PLTP: variants seen among roughly 807,000 people sequenced by gnomAD.
The protein encoded by PLTP is phospholipid transfer protein.
Under a neutral mutation model 54.1 loss-of-function variants are expected in PLTP, and 43 were observed. That is an observed-to-expected ratio of 0.79 (90% confidence interval 0.62 to 1.02). PLTP has a LOEUF of 1.02. PLTP is among the 50% of genes least tolerant of loss of function. The pLI, the probability that PLTP is intolerant of heterozygous loss-of-function variation, is 0.00. For missense variants in PLTP, 604 were observed against 645.9 expected (o/e 0.94, Z 0.70); for synonymous variants, 263 against 264.6 (o/e 0.99, Z 0.06).
Position 45,911,395 on chromosome 20 carries a change from G to A in PLTP, c.58C>T (p.Pro20Ser). The part of the protein sequence containing the change: ...ALLAGAHAEF[P>S]GCKIRVTSKA... ...GAGGTGACGCGGATCTTGCAGCCTG[G>A]GAACTCTGCATGTGCGCCTGCCAGC... The change falls in exon 2 of 16, where the codon CCA (proline) becomes TCA (serine). Residue 20 changes from proline (P) to serine (S), a missense_variant. Coordinates refer to ENST00000372431, the MANE Select transcript of PLTP (RefSeq NM_006227.4). The A allele has an allele frequency of 6.2e-7, 1 of 1,610,554 alleles. No homozygotes were observed. The highest frequency in any genetic ancestry group is 8.5e-7 in the Non-Finnish European group (1 of 1,179,996).
chr20:45,904,688 G>C (rs754394276), intron 10 of PLTP, 112 bp downstream of exon 10: 21 of 981,966 alleles, frequency 2.1e-5, no homozygotes, highest in Non-Finnish European at 3.1e-5. Flanking sequence ...ATTGGCCACA[G>C]ACAAGAGGCC....
intron 9 of PLTP, 37 bp from the exon 10 acceptor site, chr20:45,904,896 G>A: frequency 6.2e-7 from 1 of 1,614,094 alleles, no homozygotes; most frequent in Non-Finnish European, 8.5e-7. Context: ...AGTGAGCTCT[G>A]TCACAGACCT....
chr20:45,902,487 G>A lies in PLTP; in HGVS notation c.1060C>T (p.Leu354=), dbSNP rs1340406071. ...ISVTASVTIA[L]VPPDQPEVQL... is the part of the protein sequence containing the mutation. ...ACCTCAGGCTGGTCTGGTGGGACCA[G>A]GGCAATGGTGACGCTAGCAGTGACA... is the stretch of plus-strand genomic sequence containing the variant. The change falls in exon 11 of 16, where the codon CTG becomes TTG. Residue 354 remains leucine (L), a synonymous_variant. Coordinates refer to ENST00000372431, the MANE Select transcript of PLTP (RefSeq NM_006227.4). 19 of 1,614,240 alleles carry A rather than the reference G, an allele frequency of 1.2e-5. No individual in the cohort carries two copies. The highest frequency in any genetic ancestry group is 3.3e-5 in the South Asian group (3 of 91,086).
chr20:45,899,807 G>GACCC, intron 13 of PLTP, 29 bp downstream of exon 13: 3 of 1,369,426 alleles, frequency 2.2e-6, no homozygotes, highest in Admixed American at 2.0e-5. Context: ...CACGAACCCA[G>GACCC]CCCAGCCCAC....
intron 7 of PLTP, among the ~76,000 whole-genome samples, chr20:45,906,794 G>A: frequency 8.2e-6 from 1 of 121,412 alleles, no homozygotes; most frequent in Admixed American, 9.1e-5. Flanking sequence ...AGGAGGCTGA[G>A]GCAGGAGAAT....
Position 45,899,066 on chromosome 20 carries a change from G to A in PLTP, c.1360-3C>T, listed in dbSNP as rs369330245. On this transcript the variant is annotated splice_polypyrimidine_tract_variant and splice_region_variant and intron_variant, in intron 15 of 15. Transcript: ENST00000372431. ...TCAGCCCCGATGGTGAGGAATCCCT[G>A]TGTTGGGGAGAGGGGAGCCTCATTT... 4.3e-5 allele frequency: 69 copies of A among 1,614,198 alleles called. 2 individuals carry two copies. In the African/African-American group the frequency reaches 4.9e-4, roughly 12 times the overall value.
At chr20:45,904,473 A>G (rs1467179942) in intron 10 of PLTP, among the ~76,000 whole-genome samples, 3 of 152,204 alleles carry the variant, frequency 2.0e-5, no homozygotes, top group Non-Finnish European at 4.4e-5. Flanking sequence ...CAAAAAAAAA[A>G]ATAAATAAAA....
intron 1 of PLTP, chr20:45,911,741 G>A (rs564875392): frequency 3.1e-4 from 166 of 529,704 alleles, no homozygotes; most frequent in African/African-American, 2.7e-3. Context: ...GGACCTCCAG[G>A]GGACCAGCCC....
At chr20:45,911,492 A>G (rs764141103) in intron 1 of PLTP, 29 bp from the exon 2 acceptor site, 17 of 1,599,384 alleles carry the variant, frequency 1.1e-5, no homozygotes, top group Non-Finnish European at 1.4e-5. Flanking sequence ...CGCAGGAGTT[A>G]TCTGAGCCGC....
At chr20:45,909,206 G>A (rs1016763372) in intron 5 of PLTP, among the ~76,000 whole-genome samples, 14 of 152,006 alleles carry the variant, frequency 9.2e-5, no homozygotes, top group South Asian at 2.1e-4. Flanking sequence ...CTTGTGATCC[G>A]CCCGCCCAGA....
chr20:45,899,735 C>A, intron 13 of PLTP, 50 bp from the exon 14 acceptor site: 1 of 1,611,076 alleles, frequency 6.2e-7, no homozygotes, highest in East Asian at 2.2e-5. Flanking sequence ...GTTGGGTTTG[C>A]CTTTAGCTGC....
At position 45,899,747 on chromosome 20, in the gene PLTP, C is replaced by T. The variant is rs538015515; in HGVS notation, c.1219-62G>A. On this transcript the variant is annotated intron_variant, in intron 13 of 15. Coordinates refer to ENST00000372431, the MANE Select transcript of PLTP (RefSeq NM_006227.4). ...AGGGTTGGGTTTGCCTTTAGCTGCC[C>T]GCAGGTGAGCAGTTATATGAGGAGG... 5.4e-4 allele frequency: 876 copies of T among 1,608,618 alleles called. 13 individuals carry two copies. In the South Asian group the frequency reaches 8.3e-3, roughly 15 times the overall value.
At chr20:45,899,926 C>G in intron 12 of PLTP, 48 bp from the exon 13 acceptor site, 2 of 1,511,458 alleles carry the variant, frequency 1.3e-6, no homozygotes, top group Non-Finnish European at 1.8e-6. Flanking sequence ...GGAAGCTCCC[C>G]TTCCTCAGGC....
chr20:45,903,159 G>A (rs1213818808), intron 10 of PLTP, among the ~76,000 whole-genome samples: 3 of 151,714 alleles, frequency 2.0e-5, no homozygotes, highest in African/African-American at 7.3e-5. Context: ...TGGGATTACA[G>A]GCATGAGCCA....
At chr20:45,909,280 TA>T (rs897811344) in intron 5 of PLTP, among the ~76,000 whole-genome samples, 4 of 150,864 alleles carry the variant, frequency 2.7e-5, no homozygotes, top group African/African-American at 1.0e-4. Flanking sequence ...AAATATTTTT[TA>T]CATATACCAA....
At chr20:45,906,535 A>G (rs1214579474) in intron 7 of PLTP, among the ~76,000 whole-genome samples, 176 bp from the exon 8 acceptor site, 5 of 152,154 alleles carry the variant, frequency 3.3e-5, no homozygotes, top group African/African-American at 7.2e-5. Context: ...TTAGGTGCTC[A>G]TTAATGTTAG....
At chr20:45,903,550 G>A (rs1158726626) in intron 10 of PLTP, among the ~76,000 whole-genome samples, 2 of 152,026 alleles carry the variant, frequency 1.3e-5, no homozygotes, top group African/African-American at 4.8e-5. Context: ...TCTCTAAACT[G>A]CTATGCCTTC....
intron 10 of PLTP, among the ~76,000 whole-genome samples, chr20:45,902,908 T>C (rs918993018): frequency 6.6e-6 from 1 of 152,216 alleles, no homozygotes; most frequent in African/African-American, 2.4e-5. Context: ...GCCCTTGCCA[T>C]GTCTTCTGTT....
chr20:45,905,940 A>G (rs931140193), intron 8 of PLTP, among the ~76,000 whole-genome samples: 4 of 152,172 alleles, frequency 2.6e-5, no homozygotes, highest in African/African-American at 9.7e-5. Context: ...TTGTATAGAA[A>G]TTTATGTCCA....
Sources: gnomAD v4.1 joint callset for allele counts (sites outside exome capture counted in the v4.1 genomes callset) on GRCh38, gnomAD v4.1.1 for gene constraint, MANE v1.5 for transcripts, NCBI Gene and HGNC (gene_info 2026-07-23, HGNC 2026-07-21) for gene names.